SLX4IP: variants seen among roughly 807,000 people sequenced by gnomAD.
The protein encoded by SLX4IP is protein SLX4IP.
In SLX4IP, 34 loss-of-function variants were observed where a neutral mutation model predicts 32.9. The ratio of observed to expected loss-of-function variants is 1.03; its 90% confidence interval spans 0.79 to 1.38. The LOEUF (loss-of-function observed/expected upper bound fraction) is 1.38. Ranked by LOEUF, SLX4IP falls within the 40% of genes most tolerant of loss-of-function variation. The pLI is 0.00. For synonymous variants in SLX4IP, 172 were observed against 171.7 expected (o/e 1.00, Z -0.01); for missense variants, 444 against 479.0 (o/e 0.93, Z 0.68).
chr20:10,518,555 CTTCTTTCTTTCTT>C (rs1202610169), intron 2 of SLX4IP, among the ~76,000 whole-genome samples: 1 of 109,692 alleles, frequency 9.1e-6, no homozygotes, highest in South Asian at 3.0e-4. Context: ...CCTTCCTTTC[CTTCTTTCTTTCTT>C]TTCTTTCTTT....
At chr20:10,621,441 C>T (rs2067111552) in intron 7 of SLX4IP, 27 bp downstream of exon 7, 1 of 1,601,644 alleles carries the variant, frequency 6.2e-7, no homozygotes, top group African/African-American at 1.3e-5. Context: ...TCCTTTTTCT[C>T]ATTTTTGCCT....
At chr20:10,528,761 A>C (rs2065960493) in intron 2 of SLX4IP, among the ~76,000 whole-genome samples, 1 of 152,182 alleles carries the variant, frequency 6.6e-6, no homozygotes. Context: ...ACCCAACCAG[A>C]GTGGCTGGCC....
At chr20:10,604,680 G>A (rs751181386) in intron 6 of SLX4IP, among the ~76,000 whole-genome samples, 3 of 152,230 alleles carry the variant, frequency 2.0e-5, no homozygotes, top group South Asian at 2.1e-4. Context: ...TCACTGTTGC[G>A]TTTCTCTTGT....
At chr20:10,582,560 G>T (rs536238331) in intron 4 of SLX4IP, among the ~76,000 whole-genome samples, 1 of 152,226 alleles carries the variant, frequency 6.6e-6, no homozygotes, top group South Asian at 2.1e-4. Flanking sequence ...TCTGCAAGAT[G>T]TGTGTGTATG....
At position 10,622,969 on chromosome 20, in the gene SLX4IP, G is replaced by A. The variant is rs763265831; in HGVS notation, c.817G>A (p.Val273Ile). 30 of 1,614,018 alleles carry A rather than the reference G, an allele frequency of 1.9e-5. No individual in the cohort carries two copies. Among genetic ancestry groups the A allele is most frequent in the South Asian group, 9.9e-5 (9 of 91,092 alleles). Residue 273 changes from valine (V) to isoleucine (I), a missense_variant, in exon 8 of 8, where the codon GTC (valine) becomes ATC (isoleucine). Physicochemically the swap from Val to Ile is conservative, Grantham distance 29. Coordinates refer to ENST00000334534, the MANE Select transcript of SLX4IP (RefSeq NM_001009608.3). ...GACAGGGCTTCTAAGCAGGAGCCCC[G>A]TCTGTAGCTGTGAGTCAGCATCACC... ...LKTGLLSRSPVCSCESASPCP... is the reference protein window; with the variant it reads ...LKTGLLSRSPICSCESASPCP...
At chr20:10,460,688 T>C (rs923145123) in intron 2 of SLX4IP, among the ~76,000 whole-genome samples, 6 of 152,136 alleles carry the variant, frequency 3.9e-5, no homozygotes, top group African/African-American at 1.4e-4. Flanking sequence ...GGACTTCCAT[T>C]GATCAGAGCA....
chr20:10,532,822 C>A (rs2066001564), intron 2 of SLX4IP, among the ~76,000 whole-genome samples: 1 of 151,172 alleles, frequency 6.6e-6, no homozygotes, highest in South Asian at 2.1e-4. Context: ...GTCACCCGGG[C>A]TGGAGTGCAG....
intron 4 of SLX4IP, among the ~76,000 whole-genome samples, chr20:10,577,401 T>C (rs1004001049): frequency 2.0e-5 from 3 of 152,240 alleles, no homozygotes; most frequent in Non-Finnish European, 4.4e-5. Flanking sequence ...TGTAGTACTA[T>C]ATAGTATTCT....
At chr20:10,496,820 G>A (rs1485767178) in intron 2 of SLX4IP, among the ~76,000 whole-genome samples, 2 of 152,090 alleles carry the variant, frequency 1.3e-5, no homozygotes, top group Non-Finnish European at 2.9e-5. Flanking sequence ...TTAAGAATGG[G>A]GCTTGGGGTC....
At chr20:10,594,139 T>C (rs1485511569) in intron 4 of SLX4IP, among the ~76,000 whole-genome samples, 2 of 152,220 alleles carry the variant, frequency 1.3e-5, no homozygotes, top group Non-Finnish European at 2.9e-5. Flanking sequence ...TTAACTGTTA[T>C]TGAATCTAGA....
chr20:10,564,388 G>C (rs1290220856), intron 4 of SLX4IP, among the ~76,000 whole-genome samples: 2 of 152,120 alleles, frequency 1.3e-5, no homozygotes, highest in Non-Finnish European at 2.9e-5. Flanking sequence ...TTGTTTCTGT[G>C]TAGGTAGTTT....
intron 2 of SLX4IP, among the ~76,000 whole-genome samples, chr20:10,542,964 G>A (rs1186860199): frequency 3.9e-5 from 6 of 152,160 alleles, no homozygotes; most frequent in Non-Finnish European, 8.8e-5. Flanking sequence ...CAAGACCAGG[G>A]TCGAGGAAAA....
chr20:10,565,656 A>C (rs528876983), intron 4 of SLX4IP, among the ~76,000 whole-genome samples: 10 of 152,278 alleles, frequency 6.6e-5, no homozygotes, highest in African/African-American at 2.2e-4. Context: ...TCATCAAAAC[A>C]TAGGATGATG....
chr20:10,498,480 C>T (rs2065688548), intron 2 of SLX4IP, among the ~76,000 whole-genome samples: 1 of 152,038 alleles, frequency 6.6e-6, no homozygotes, highest in African/African-American at 2.4e-5. Flanking sequence ...TGGTATCTAC[C>T]CTGCCTCCTG....
At chr20:10,560,554 A>G (rs1391992522) in intron 3 of SLX4IP, 146 bp from the exon 4 acceptor site, 10 of 569,608 alleles carry the variant, frequency 1.8e-5, no homozygotes, top group Non-Finnish European at 2.7e-5. Flanking sequence ...GGTGTTATTC[A>G]TGAGCACATA....
intron 4 of SLX4IP, among the ~76,000 whole-genome samples, chr20:10,568,797 G>C (rs1246844922): frequency 6.6e-6 from 1 of 152,140 alleles, no homozygotes; most frequent in Non-Finnish European, 1.5e-5. Context: ...CTATCCCAAG[G>C]ATACACTCAG....
intron 4 of SLX4IP, among the ~76,000 whole-genome samples, chr20:10,595,304 G>A (rs7262417): frequency 0.095 from 14,502 of 152,204 alleles, 927 homozygotes; most frequent in South Asian, 0.25. Flanking sequence ...GAGCACCACA[G>A]TCGCCAGCAA....
intron 1 of SLX4IP, among the ~76,000 whole-genome samples, chr20:10,437,820 TGG>T (rs1358596209): frequency 2.6e-5 from 4 of 152,374 alleles, no homozygotes; most frequent in African/African-American, 7.2e-5. Context: ...ATATTGTGTG[TGG>T]CAGTAGAACA....
intron 2 of SLX4IP, among the ~76,000 whole-genome samples, chr20:10,541,840 G>C (rs1488530572): frequency 6.6e-6 from 1 of 152,190 alleles, no homozygotes; most frequent in Non-Finnish European, 1.5e-5. Flanking sequence ...CAGATAAAGG[G>C]ATTAAGATTC....
Sources: allele counts gnomAD v4.1 joint callset (sites outside exome capture counted in the v4.1 genomes callset), GRCh38; gene constraint gnomAD v4.1.1; transcripts MANE v1.5; gene names NCBI Gene and HGNC (gene_info 2026-07-23, HGNC 2026-07-21).